The following ERN1 variants were observed in gnomAD, a reference collection of about 807,000 sequenced individuals.
ERN1 encodes serine/threonine-protein kinase/endoribonuclease IRE1.
A neutral mutation model predicts 113.1 loss-of-function variants in ERN1; 39 were observed. The observed-to-expected ratio is 0.34, with a 90% CI of 0.27 to 0.45. The LOEUF (loss-of-function observed/expected upper bound fraction) is 0.45. Ranked by LOEUF, ERN1 falls within the 20% of genes least tolerant of loss-of-function variation. The probability of loss-of-function intolerance (pLI) is 1.00; values close to 1 mark genes in which losing one functional copy is unlikely to be tolerated. For synonymous variants in ERN1, 507 were observed against 515.9 expected (o/e 0.98, Z 0.23); for missense variants, 976 against 1,274.8 (o/e 0.77, Z 3.57).
intron 1 of ERN1, among the ~76,000 whole-genome samples, chr17:64,124,133 C>T (rs1915020135): frequency 6.6e-6 from 1 of 152,176 alleles, no homozygotes; most frequent in African/African-American, 2.4e-5. Context: ...CACTGTAACC[C>T]TCCTTCCTAC....
Position 64,087,702 on chromosome 17 carries a change from TAAAAA to T in ERN1, c.176-6899_176-6895del, listed in dbSNP as rs1028773184. On this transcript the variant is annotated intron_variant, in intron 2 of 21. Coordinates refer to ENST00000433197, the MANE Select transcript of ERN1 (RefSeq NM_001433.5). ...ATAAAGTTTTTATAAAATGAAAAGT[TAAAAA>T]AAAAGCTAAAAACAGAAGCTATTTA... is the stretch of plus-strand genomic sequence containing the variant. Among the ~76,000 whole-genome samples, 4 of 151,058 alleles carry T rather than the reference TAAAAA, an allele frequency of 2.6e-5. No individual in the cohort carries two copies. In the East Asian group the frequency reaches 7.7e-4, roughly 29 times the overall value.
chr17:64,077,006 A>C (rs530805170), intron 4 of ERN1, among the ~76,000 whole-genome samples: 1 of 152,294 alleles, frequency 6.6e-6, no homozygotes, highest in East Asian at 1.9e-4. Context: ...GGCTGCTGAG[A>C]GATTCCAATG....
chr17:64,098,057 A>G (rs2065871612), intron 2 of ERN1, 64 bp downstream of exon 2: 3 of 1,585,920 alleles, frequency 1.9e-6, no homozygotes, highest in African/African-American at 2.7e-5. Context: ...CTTTCTCCAG[A>G]ATATGTTTCT....
chr17:64,053,188 C>A, intron 16 of ERN1, 84 bp downstream of exon 16: 1 of 1,171,310 alleles, frequency 8.5e-7, no homozygotes, highest in South Asian at 1.5e-5. Context: ...AGAAGCAAGG[C>A]CCACCCGAGC....
Position 64,057,918 on chromosome 17 carries a change from G to C in ERN1, c.1282C>G (p.His428Asp). ...VSRDVEEKPA[H>D]APARPEAPVD... The stretch of plus-strand genomic sequence containing the variant: ...GGGGCCTCGGGCCGGGCAGGGGCAT[G>C]GGCGGGCTTCTCCTCCACATCCCGA... Residue 428 changes from histidine (H) to aspartate (D), a missense_variant, in exon 12 of 22, where the codon CAT becomes GAT. His to Asp is a moderately conservative substitution (Grantham distance 81, BLOSUM62 -1). Coordinates refer to ENST00000433197, the MANE Select transcript of ERN1 (RefSeq NM_001433.5). 1 of 1,611,710 alleles carries C rather than the reference G, an allele frequency of 6.2e-7. No homozygotes were observed. Among genetic ancestry groups the C allele is most frequent in the Non-Finnish European group, 8.5e-7 (1 of 1,178,908 alleles).
Position 64,063,683 on chromosome 17 carries a change from G to A in ERN1, c.1087+303C>T, listed in dbSNP as rs913566743. On this transcript the variant is annotated intron_variant, in intron 10 of 21. Transcript: ENST00000433197. This position sits in a 1 kb window ranked among gnomAD's most constrained non-coding sequence, Gnocchi z 5.1. ...AAGGGTACCTACCTCACACAGGGTTGCTGTGAGGAGTGAGGAAATGCATTC... is the reference window on the plus strand; with the variant it reads ...AAGGGTACCTACCTCACACAGGGTTACTGTGAGGAGTGAGGAAATGCATTC... Among the ~76,000 whole-genome samples the A allele has an allele frequency of 1.3e-5, 2 of 152,192 alleles. No homozygotes were observed. The highest frequency in any genetic ancestry group is 4.8e-5 in the African/African-American group (2 of 41,434).
chr17:64,118,239 A>T (rs1914863578), intron 1 of ERN1, among the ~76,000 whole-genome samples: 1 of 152,130 alleles, frequency 6.6e-6, no homozygotes, highest in Admixed American at 6.5e-5. Context: ...GGGGGAAATA[A>T]CTCATTTGCC....
intron 1 of ERN1, among the ~76,000 whole-genome samples, chr17:64,114,030 T>G (rs998475722): frequency 6.7e-6 from 1 of 148,372 alleles, no homozygotes; most frequent in Admixed American, 6.8e-5. Flanking sequence ...CCTAGAATAA[T>G]TCCATGGGCT....
chr17:64,065,197 T>C lies in ERN1; in HGVS notation c.921+12A>G, dbSNP rs1380267322. On this transcript the variant is annotated intron_variant, in intron 9 of 21. Coordinates refer to ENST00000433197, the MANE Select transcript of ERN1 (RefSeq NM_001433.5). ...TGGTTAGGCAGCTGCGAGCCCTCCG[T>C]AGTGGACTTACCACGACAGCAACCC... 3.8e-6 allele frequency: 6 copies of C among 1,597,450 alleles called. No individual in the cohort carries two copies. The highest frequency in any genetic ancestry group is 5.1e-6 in the Non-Finnish European group (6 of 1,170,346).
At chr17:64,095,221 G>A (rs985739494) in intron 2 of ERN1, among the ~76,000 whole-genome samples, 6 of 152,106 alleles carry the variant, frequency 3.9e-5, no homozygotes, top group Admixed American at 1.3e-4. Flanking sequence ...TTGAGGCCAG[G>A]AGTTTGAGAC....
At position 64,070,061 on chromosome 17, in the gene ERN1, G is replaced by A. The variant is rs181174926; in HGVS notation, c.479-1770C>T. ...GCCTTGAGACTTGCTTTGACCAACA[G>A]ACTGCAGTGGAAGGAAGGTTCTGGA... On this transcript the variant is annotated intron_variant, in intron 6 of 21. Transcript: ENST00000433197. Among the ~76,000 whole-genome samples, 4 of 152,284 alleles carry A rather than the reference G, an allele frequency of 2.6e-5. No individual in the cohort carries two copies. The East Asian group carries it at 7.7e-4, about 29-fold the overall frequency.
chr17:64,063,851 C>T lies in ERN1; in HGVS notation c.1087+135G>A, dbSNP rs116885983. 1.1e-3 allele frequency: 795 copies of T among 745,154 alleles called. 1 individual carries two copies. Among genetic ancestry groups the T allele is most frequent in the African/African-American group, 9.5e-3 (538 of 56,592 alleles). 46.2% of individuals were successfully genotyped at this position (745,154 alleles called of 1,614,324 possible). A position where few individuals can be genotyped will look rare whatever the true frequency, so the allele number is the denominator to read the frequency against. ...CTTGGGGGTAAAAATGTCCCAAGGTCTCAGGGGCCAGCCGGGAAGGGCTCT... is the reference window on the plus strand; with the variant it reads ...CTTGGGGGTAAAAATGTCCCAAGGTTTCAGGGGCCAGCCGGGAAGGGCTCT... On this transcript the variant is annotated intron_variant, in intron 10 of 21. Transcript: ENST00000433197. This position sits in a 1 kb window ranked among gnomAD's most constrained non-coding sequence, Gnocchi z 5.1.
At chr17:64,129,861 TG>T in intron 1 of ERN1, 114 bp downstream of exon 1, 1 of 1,027,046 alleles carries the variant, frequency 9.7e-7, no homozygotes, top group Non-Finnish European at 1.3e-6. Flanking sequence ...ACGGGGCATC[TG>T]GCCGCCGCCG....
intron 1 of ERN1, among the ~76,000 whole-genome samples, chr17:64,113,354 A>G (rs569689742): frequency 1.3e-5 from 2 of 152,336 alleles, no homozygotes; most frequent in African/African-American, 4.8e-5. Context: ...CATGATTCAC[A>G]TTACTTTTGC....
intron 3 of ERN1, 144 bp from the exon 4 acceptor site, chr17:64,079,878 C>T (rs1598065064): frequency 3.3e-6 from 2 of 612,950 alleles, no homozygotes; most frequent in East Asian, 5.5e-5. Context: ...TAAGACAATT[C>T]CACCCACTAC....
At chr17:64,057,752 G>T in intron 12 of ERN1, 50 bp downstream of exon 12, 2 of 1,537,134 alleles carry the variant, frequency 1.3e-6, no homozygotes, top group South Asian at 1.1e-5. Flanking sequence ...GCGACAGGCA[G>T]AGAAGCCCCA....
intron 1 of ERN1, among the ~76,000 whole-genome samples, chr17:64,105,271 C>A (rs376339862): frequency 6.6e-6 from 1 of 152,084 alleles, no homozygotes; most frequent in African/African-American, 2.4e-5. Context: ...ACCAGCCTGG[C>A]CAATTTTTAA....
intron 7 of ERN1, among the ~76,000 whole-genome samples, chr17:64,067,606 C>CAAAA (rs5821419): frequency 5.5e-5 from 8 of 144,190 alleles, no homozygotes; most frequent in Non-Finnish European, 1.1e-4. Flanking sequence ...GAACTTGCCT[C>CAAAA]AAAAAAAAAA....
rs904860795 is a variant in ERN1, at chr17:64,063,121, GAGAAC to G, written c.1087+860_1087+864del. Among the ~76,000 whole-genome samples the G allele has an allele frequency of 9.9e-5, 15 of 152,242 alleles. No individual in the cohort carries two copies. Among genetic ancestry groups the G allele is most frequent in the African/African-American group, 3.4e-4 (14 of 41,458 alleles). Reference sequence around the variant, plus strand: ...CTGTCACCAGCAAGCACGACAGGAAGAGAACAGAGAGAAGAAACTGCACCGGCCCC... The same window carrying G: ...CTGTCACCAGCAAGCACGACAGGAAGAGAGAGAAGAAACTGCACCGGCCCC... On this transcript the variant is annotated intron_variant, in intron 10 of 21. Transcript: ENST00000433197. This position sits in a 1 kb window ranked among gnomAD's most constrained non-coding sequence, Gnocchi z 5.1.
Sources: allele counts gnomAD v4.1 joint callset (sites outside exome capture counted in the v4.1 genomes callset), GRCh38; gene constraint gnomAD v4.1.1; non-coding constraint Gnocchi (gnomAD v3.1); transcripts MANE v1.5; gene names NCBI Gene and HGNC (gene_info 2026-07-23, HGNC 2026-07-21).